Variants in WDFY4 observed in about 807,000 individuals in gnomAD.
WDFY4 encodes the protein WD repeat- and FYVE domain-containing protein 4.
Under a neutral mutation model 351.9 loss-of-function variants are expected in WDFY4, and 169 were observed. The ratio of observed to expected loss-of-function variants is 0.48; its 90% CI spans 0.42 to 0.55. The LOEUF (loss-of-function observed/expected upper bound fraction) is 0.55. Among genes scored for constraint, WDFY4 ranks in the 20% least tolerant of loss-of-function variants. The pLI is 0.00. For missense variants in WDFY4, 3,803 were observed against 3,935.6 expected, an observed-to-expected ratio of 0.97 and a Z score of 0.90; for synonymous variants, 1,622 against 1,574.6, an observed-to-expected ratio of 1.03 and a Z score of -0.71.
intron 8 of WDFY4, among the ~76,000 whole-genome samples, chr10:48,729,878 A>C (rs932904164): frequency 3.3e-5 from 5 of 152,214 alleles, no homozygotes; most frequent in Admixed American, 1.3e-4. Context: ...TGATGGCCCT[A>C]AAACAGCCAT....
intron 47 of WDFY4, among the ~76,000 whole-genome samples, chr10:48,914,496 G>T (rs192120856): frequency 6.3e-4 from 96 of 152,204 alleles, no homozygotes; most frequent in African/African-American, 2.3e-3. Flanking sequence ...GCCATGCCCC[G>T]ACTTATAAAT....
In WDFY4 at chr10:48,978,373, C is replaced by T; in HGVS notation, c.9356C>T (p.Ala3119Val). ...PGRPAGEEPPAQPPSPRGHKW... is the reference protein window; with the variant it reads ...PGRPAGEEPPVQPPSPRGHKW... ...CGGCCAGCAGGAGAGGAGCCCCCGG[C>T]TCAGCCTCCAAGCCCAAGAGGTACC... Residue 3119 changes from alanine (A) to valine (V), a missense_variant, in exon 60 of 62, where the codon GCT (alanine) becomes GTT (valine). By Grantham distance (64) the Ala-to-Val change is moderately conservative. Transcript: ENST00000325239. The T allele has an allele frequency of 6.4e-7, 1 of 1,551,208 alleles. No individual in the cohort carries two copies. The highest frequency in any genetic ancestry group is 8.7e-7 in the Non-Finnish European group (1 of 1,146,782).
intron 47 of WDFY4, among the ~76,000 whole-genome samples, chr10:48,921,397 T>C (rs1431971583): frequency 1.3e-5 from 2 of 152,166 alleles, no homozygotes; most frequent in Admixed American, 6.5e-5. Flanking sequence ...ACAAACGATG[T>C]TGAAATTGGT....
intron 13 of WDFY4, among the ~76,000 whole-genome samples, chr10:48,762,550 C>T (rs1328706051): frequency 6.6e-6 from 1 of 152,244 alleles, no homozygotes; most frequent in African/African-American, 2.4e-5. Context: ...CAGGCATGGC[C>T]TGTCTGCTCC....
rs1241614206 is a variant in WDFY4, at chr10:48,976,846, A to G, written c.9158A>G (p.Asn3053Ser). 7 of 1,529,090 alleles carry G rather than the reference A, an allele frequency of 4.6e-6. No homozygotes were observed. Among genetic ancestry groups the G allele is most frequent in the East Asian group, 2.5e-5 (1 of 39,448 alleles). The allele number at this position is 1,529,090 out of a possible 1,614,324, so 94.7% of individuals were successfully genotyped here. A position where few individuals can be genotyped will look rare whatever the true frequency, so the allele number is the denominator to read the frequency against. The change falls in exon 59 of 62, where the codon AAT (asparagine) becomes AGT (serine). Residue 3053 changes from asparagine to serine, a missense_variant. Around this residue, in one of 3 missense-constraint regions of WDFY4, gnomAD observed 3,054 missense variants for 3,148.6 expected, o/e 0.97. Transcript: ENST00000325239. ...GCACACTTGTCCCTGTGGAATGTCA[A>G]TGGACAGCCCCTGGCCAGCATCACC... ...AGAHLSLWNVNGQPLASITTA... is the reference protein window; with the variant it reads ...AGAHLSLWNVSGQPLASITTA...
At chr10:48,900,531 C>T (rs1837301111) in intron 46 of WDFY4, among the ~76,000 whole-genome samples, 1 of 152,148 alleles carries the variant, frequency 6.6e-6, no homozygotes, top group South Asian at 2.1e-4. Flanking sequence ...GAAGCAGGCT[C>T]CATTTTCCTG....
At chr10:48,778,142 A>C (rs1444948474) in intron 17 of WDFY4, among the ~76,000 whole-genome samples, 2 of 152,190 alleles carry the variant, frequency 1.3e-5, no homozygotes, top group African/African-American at 2.4e-5. Flanking sequence ...TGGGGTTTCT[A>C]TGGGATCATG....
chr10:48,734,902 A>G (rs2064600551), intron 10 of WDFY4, among the ~76,000 whole-genome samples: 1 of 149,066 alleles, frequency 6.7e-6, no homozygotes, highest in Non-Finnish European at 1.5e-5. Flanking sequence ...CAACCTCCCG[A>G]GTAGCTGGGA....
chr10:48,885,915 T>C (rs549010538), intron 43 of WDFY4, among the ~76,000 whole-genome samples: 8 of 152,316 alleles, frequency 5.3e-5, no homozygotes, highest in African/African-American at 1.9e-4. Flanking sequence ...GCCTCTTTGA[T>C]ACTTGACTTT....
chr10:48,777,041 A>G, intron 16 of WDFY4, 57 bp downstream of exon 16: 3 of 1,484,566 alleles, frequency 2.0e-6, no homozygotes, highest in Non-Finnish European at 2.7e-6. Context: ...AGTGCCTCTG[A>G]TGAATTATAA....
intron 1 of WDFY4, among the ~76,000 whole-genome samples, chr10:48,698,788 C>T (rs370724347): frequency 6.6e-5 from 10 of 152,138 alleles, no homozygotes; most frequent in South Asian, 4.1e-4. Context: ...ATGCTGTATC[C>T]GCCGAGGCTC....
intron 21 of WDFY4, among the ~76,000 whole-genome samples, chr10:48,789,371 G>T (rs1020968782): frequency 6.6e-6 from 1 of 152,222 alleles, no homozygotes; most frequent in Non-Finnish European, 1.5e-5. Flanking sequence ...ACCCCCAGAG[G>T]ATGGGGAGTC....
chr10:48,830,734 C>T lies in WDFY4; in HGVS notation c.6375C>T (p.Leu2125=), dbSNP rs2068160823. ...QHNIQKTVQT[L]WQQLVAQRQQ... Reference sequence around the variant, plus strand: ...ACATCCAGAAGACAGTGCAGACTCTCTGGCAGCAGCTGGTGGCACAAAGGC... The same window carrying T: ...ACATCCAGAAGACAGTGCAGACTCTTTGGCAGCAGCTGGTGGCACAAAGGC... The change falls in exon 38 of 62, where the codon CTC becomes CTT. Residue 2125 remains leucine, a synonymous_variant. Transcript: ENST00000325239. 1 of 1,551,578 alleles carries T rather than the reference C, an allele frequency of 6.4e-7. No individual in the cohort carries two copies. Among genetic ancestry groups the T allele is most frequent in the African/African-American group, 1.4e-5 (1 of 73,042 alleles).
Position 48,907,485 on chromosome 10 carries a change from G to C in WDFY4, c.7586+5622G>C, listed in dbSNP as rs1837674924. Among the ~76,000 whole-genome samples the C allele has an allele frequency of 1.3e-5, 2 of 151,972 alleles. 1 individual carries two copies. Among genetic ancestry groups the C allele is most frequent in the South Asian group, 4.2e-4 (2 of 4,812 alleles). On this transcript the variant is annotated intron_variant, in intron 47 of 61. Transcript: ENST00000325239. ...TGTTTAGAATGAAATTTATTTTGGG[G>C]GTGCAAAGATTTACAGTTGAACATT...
In WDFY4 at chr10:48,821,096, G is replaced by A. The variant is rs1410306140; in HGVS notation, c.5744G>A (p.Arg1915Gln). 33 of 1,551,568 alleles carry A rather than the reference G, an allele frequency of 2.1e-5. No individual in the cohort carries two copies. Among genetic ancestry groups the A allele is most frequent in the African/African-American group, 2.7e-5 (2 of 73,048 alleles). ...SPDHATSQQK[R>Q]DFQSEVLLSA... ...GACCACGCCACCAGCCAACAGAAGC[G>A]AGACTTCCAGTCCGAGGTCCTGCTT... Residue 1915 changes from arginine (R) to glutamine (Q), a missense_variant, in exon 34 of 62, where the codon CGA becomes CAA. This residue lies in a region of WDFY4 where 3,054 missense variants were observed against 3,148.6 expected (regional missense o/e 0.97). Coordinates refer to ENST00000325239, the MANE Select transcript of WDFY4 (RefSeq NM_001394531.1).
chr10:48,928,353 CGTGTGTGTGTGTGTGTGTGTGT>C (rs3081490), intron 47 of WDFY4, among the ~76,000 whole-genome samples: 129 of 124,960 alleles, frequency 1.0e-3, no homozygotes, highest in Non-Finnish European at 1.6e-3. Flanking sequence ...TTGGTTTTGA[CGTGTGTGTGTGTGTGTGTGTGT>C]GTGTGTGTGT....
chr10:48,726,227 C>T (rs1210417392), intron 6 of WDFY4, among the ~76,000 whole-genome samples, 157 bp downstream of exon 6: 1 of 152,172 alleles, frequency 6.6e-6, no homozygotes, highest in East Asian at 1.9e-4. Context: ...AATGAGCAGC[C>T]ATGTCCGGTA....
chr10:48,825,973 G>T (rs1163337997), intron 35 of WDFY4, among the ~76,000 whole-genome samples: 1 of 152,054 alleles, frequency 6.6e-6, no homozygotes, highest in African/African-American at 2.4e-5. Flanking sequence ...AGATCCCATT[G>T]TCAATTTTTG....
intron 47 of WDFY4, among the ~76,000 whole-genome samples, chr10:48,936,183 G>C (rs1190136424): frequency 6.6e-6 from 1 of 151,932 alleles, no homozygotes; most frequent in Non-Finnish European, 1.5e-5. Flanking sequence ...AAAATAAAAT[G>C]ACTTCAATTT....
Sources: allele counts gnomAD v4.1 joint callset (sites outside exome capture counted in the v4.1 genomes callset), GRCh38; gene constraint gnomAD v4.1.1; regional missense constraint gnomAD v4.1.1; transcripts MANE v1.5; gene names NCBI Gene and HGNC (gene_info 2026-07-23, HGNC 2026-07-21).